Variants in ZNF362 observed in about 807,000 individuals in gnomAD.
ZNF362 encodes zinc finger protein 362, also known as rotund homolog.
In ZNF362, 11 loss-of-function variants were observed where a neutral mutation model predicts 42.9. That is an observed-to-expected ratio of 0.26 (90% CI 0.16 to 0.42). ZNF362 has a LOEUF of 0.42. ZNF362 is among the 20% of genes least tolerant of loss of function. The pLI, the probability that ZNF362 is intolerant of heterozygous loss-of-function variation, is 1.00. For synonymous variants in ZNF362, 255 were observed against 257.3 expected (o/e 0.99, Z 0.09); for missense variants, 362 against 576.2 (o/e 0.63, Z 3.81).
At chr1:33,241,092 C>T in the ZNF362 span, among the ~76,000 whole-genome samples, 1 of 143,716 alleles carries the variant, frequency 7.0e-6, no homozygotes, top group East Asian at 2.1e-4. Context: ...AATTCCCCCG[C>T]CCCGCCCCAC....
At chr1:33,289,444 A>G (rs6683280) in intron 6 of ZNF362, among the ~76,000 whole-genome samples, 151,264 of 152,210 alleles carry the variant, frequency 0.99, 75,169 homozygotes, top group East Asian at 1. Flanking sequence ...GGCCTGGCGG[A>G]GAGAGGCTGA....
At chr1:33,168,404 C>T in the ZNF362 span, among the ~76,000 whole-genome samples, 3 of 151,946 alleles carry the variant, frequency 2.0e-5, no homozygotes, top group Admixed American at 2.0e-4. Context: ...TTTTAAATCC[C>T]CAACAGTGCC....
the ZNF362 span, among the ~76,000 whole-genome samples, chr1:33,187,553 G>A: frequency 6.6e-6 from 1 of 152,188 alleles, no homozygotes; most frequent in African/African-American, 2.4e-5. Flanking sequence ...TGTAACTGAT[G>A]CTCAGCTTCC....
the ZNF362 span, among the ~76,000 whole-genome samples, chr1:33,242,001 A>G: frequency 1.3e-5 from 2 of 152,182 alleles, no homozygotes; most frequent in African/African-American, 4.8e-5. Context: ...CACTGAGCCA[A>G]CCCTTGTGGG....
the ZNF362 span, among the ~76,000 whole-genome samples, chr1:33,144,135 CTTTTT>C: frequency 3.4e-5 from 5 of 146,514 alleles, no homozygotes; most frequent in Admixed American, 6.8e-5. Flanking sequence ...AATGTTACTT[CTTTTT>C]TTTTTTTTTT....
rs192237600 is a variant in ZNF362, at chr1:33,279,999, C to A, written c.350-125C>A. ...ACATGCACAAGGTCTCATTTAGTTA[C>A]CCCTGGGTAATAACTTATGAACGTT... On this transcript the variant is annotated intron_variant, in intron 4 of 8. Transcript: ENST00000539719. 390 of 1,170,306 alleles carry A rather than the reference C, an allele frequency of 3.3e-4. 1 individual carries two copies. The highest frequency in any genetic ancestry group is 1.5e-5 in the African/African-American group (1 of 65,086). The allele number at this position is 1,170,306 out of a possible 1,614,324, so 72.5% of individuals were successfully genotyped here.
chr1:33,243,658 G>A, the ZNF362 span, among the ~76,000 whole-genome samples: 2 of 150,694 alleles, frequency 1.3e-5, no homozygotes, highest in Non-Finnish European at 3.0e-5. Flanking sequence ...GTGCAGTGGT[G>A]CGATCTCAGC....
At chr1:33,196,419 A>T in the ZNF362 span, among the ~76,000 whole-genome samples, 1 of 152,142 alleles carries the variant, frequency 6.6e-6, no homozygotes, top group Admixed American at 6.5e-5. Flanking sequence ...TAAAAAACAA[A>T]GACACAAACA....
chr1:33,134,676 C>T, the ZNF362 span, among the ~76,000 whole-genome samples: 3 of 152,208 alleles, frequency 2.0e-5, no homozygotes, highest in East Asian at 3.9e-4. Context: ...GCATGGGAGA[C>T]TGCAGGAATT....
upstream of ZNF362, among the ~76,000 whole-genome samples, chr1:33,252,076 G>T (rs1020116146): frequency 3.3e-5 from 5 of 152,220 alleles, no homozygotes; most frequent in African/African-American, 1.2e-4. Context: ...TTCTCGGCTG[G>T]GCGTGGTGGC....
chr1:33,269,404 C>G (rs1041204305), intron 1 of ZNF362, among the ~76,000 whole-genome samples: 6 of 152,202 alleles, frequency 3.9e-5, no homozygotes, highest in African/African-American at 1.4e-4. Context: ...GTGTGGCTCC[C>G]TGAAGCTTTC....
the ZNF362 span, among the ~76,000 whole-genome samples, chr1:33,222,046 G>A: frequency 5.3e-5 from 8 of 151,970 alleles, no homozygotes; most frequent in Admixed American, 1.3e-4. Context: ...GGACAGTTAC[G>A]GTGCCCAGTA....
the ZNF362 span, among the ~76,000 whole-genome samples, chr1:33,175,538 G>A: frequency 1.3e-4 from 20 of 152,198 alleles, no homozygotes; most frequent in Non-Finnish European, 2.4e-4. Context: ...AATGGGGAGC[G>A]TGTCAACCAG....
At chr1:33,189,718 T>TATATATATATATATACAC in the ZNF362 span, among the ~76,000 whole-genome samples, 27 of 125,798 alleles carry the variant, frequency 2.1e-4, 1 homozygote, top group African/African-American at 8.3e-4. Context: ...CGTATATATA[T>TATATATATATATATACAC]ACATACACAC....
the ZNF362 span, among the ~76,000 whole-genome samples, chr1:33,168,736 T>G: frequency 2.0e-5 from 3 of 152,176 alleles, no homozygotes; most frequent in South Asian, 6.2e-4. Flanking sequence ...GAAAGACCGC[T>G]CCTCAGGTGC....
chr1:33,173,143 C>T, the ZNF362 span, among the ~76,000 whole-genome samples: 1 of 152,140 alleles, frequency 6.6e-6, no homozygotes, highest in Admixed American at 6.6e-5. Flanking sequence ...ACCGGATGCT[C>T]CTGGTCCTCC....
At chr1:33,181,324 C>A in the ZNF362 span, 135 of 1,572,974 alleles carry the variant, frequency 8.6e-5, no homozygotes, top group Non-Finnish European at 1.1e-4. The surrounding 1 kb of genome is among the most constrained non-coding windows in gnomAD (Gnocchi z 6.5). Context: ...ACCCAGTGCT[C>A]CGTGATGCAG....
At chr1:33,276,648 C>T (rs1645951435) in intron 4 of ZNF362, 54 bp downstream of exon 4, 5 of 1,288,526 alleles carry the variant, frequency 3.9e-6, no homozygotes, top group Admixed American at 4.3e-5. Flanking sequence ...CAGGAGGGGG[C>T]GGGCGTAGCG....
the ZNF362 span, among the ~76,000 whole-genome samples, chr1:33,169,814 C>A: frequency 6.6e-6 from 1 of 152,250 alleles, no homozygotes; most frequent in Non-Finnish European, 1.5e-5. Context: ...AGTGCAGACA[C>A]AGAACTGCCC....
Sources: allele counts gnomAD v4.1 joint callset (sites outside exome capture counted in the v4.1 genomes callset), GRCh38; gene constraint gnomAD v4.1.1; non-coding constraint Gnocchi (gnomAD v3.1); transcripts MANE v1.5; gene names NCBI Gene and HGNC (gene_info 2026-07-23, HGNC 2026-07-21).